The following SNX29 variants were observed in gnomAD, a reference collection of about 807,000 sequenced individuals.
SNX29 encodes the protein sorting nexin-29.
SNX29 carries 78 observed loss-of-function variants against 102.1 expected under a neutral mutation model. The observed-to-expected ratio is 0.76, with a 90% CI of 0.64 to 0.92. SNX29 has a LOEUF of 0.92. Ranked by LOEUF, SNX29 falls within the 40% of genes least tolerant of loss-of-function variation. The pLI is 0.00. For missense variants in SNX29, 1,280 were observed against 1,061.7 expected, an observed-to-expected ratio of 1.21 and a Z score of -2.86; for synonymous variants, 580 against 414.5, an observed-to-expected ratio of 1.40 and a Z score of -4.85.
At chr16:12,176,505 C>G (rs998800329) in intron 13 of SNX29, among the ~76,000 whole-genome samples, 1 of 152,116 alleles carries the variant, frequency 6.6e-6, no homozygotes, top group African/African-American at 2.4e-5. Flanking sequence ...TACAAAATAT[C>G]AATACAATAA....
intron 13 of SNX29, among the ~76,000 whole-genome samples, chr16:12,163,201 A>G (rs1596395686): frequency 1.3e-5 from 2 of 152,110 alleles, no homozygotes; most frequent in Non-Finnish European, 2.9e-5. Context: ...TTCTGATGGT[A>G]GATAGGAATG....
intron 18 of SNX29, among the ~76,000 whole-genome samples, chr16:12,410,056 G>T (rs759322374): frequency 2.0e-5 from 3 of 151,706 alleles, no homozygotes; most frequent in African/African-American, 7.3e-5. Flanking sequence ...GTGCAGTAGC[G>T]CAATCTCGGT....
At chr16:12,559,185 G>A (rs930889836) in intron 20 of SNX29, among the ~76,000 whole-genome samples, 18 of 152,038 alleles carry the variant, frequency 1.2e-4, no homozygotes, top group African/African-American at 4.1e-4. Flanking sequence ...TAGGTACTGG[G>A]CTACACAGTG....
chr16:12,392,402 G>A (rs939910820), intron 16 of SNX29, among the ~76,000 whole-genome samples: 6 of 152,102 alleles, frequency 3.9e-5, no homozygotes, highest in African/African-American at 1.2e-4. Flanking sequence ...TAGTAAGTTC[G>A]ATCATTTCCC....
chr16:12,499,839 C>G (rs574594894), intron 19 of SNX29, among the ~76,000 whole-genome samples: 2 of 152,044 alleles, frequency 1.3e-5, no homozygotes, highest in South Asian at 4.1e-4. Flanking sequence ...CCATGCCTGG[C>G]TAATTTTTGT....
Position 12,562,194 on chromosome 16 carries a change from C to G in SNX29, c.2319-6312C>G, listed in dbSNP as rs552639813. The stretch of plus-strand genomic sequence containing the variant: ...AGGTCTGACCTGAGCATAGGGTTCA[C>G]AGAGGAGTGAACCCTGCTGGAGGTG... On this transcript the variant is annotated intron_variant, in intron 20 of 20. Transcript: ENST00000566228. Among the ~76,000 whole-genome samples, 3 of 152,296 alleles carry G rather than the reference C, an allele frequency of 2.0e-5. No individual in the cohort carries two copies. The South Asian group carries it at 6.2e-4, about 32-fold the overall frequency.
At chr16:12,364,800 G>A (rs750801573) in intron 16 of SNX29, among the ~76,000 whole-genome samples, 11 of 152,070 alleles carry the variant, frequency 7.2e-5, no homozygotes, top group Admixed American at 1.3e-4. Context: ...CAGAAAAGAT[G>A]GCCTGGCTTG....
At chr16:12,308,553 G>C (rs950238395) in intron 15 of SNX29, among the ~76,000 whole-genome samples, 4 of 152,090 alleles carry the variant, frequency 2.6e-5, no homozygotes, top group Admixed American at 2.6e-4. Flanking sequence ...TTGTCAACTT[G>C]TTGTGCACTC....
At chr16:12,557,144 T>C (rs2078419569) in intron 20 of SNX29, among the ~76,000 whole-genome samples, 2 of 151,982 alleles carry the variant, frequency 1.3e-5, no homozygotes, top group South Asian at 2.1e-4. Context: ...TCACTGCCCC[T>C]GGTCACAATT....
At chr16:12,034,175 T>C (rs1263116841) in intron 4 of SNX29, among the ~76,000 whole-genome samples, 1 of 152,196 alleles carries the variant, frequency 6.6e-6, no homozygotes, top group Non-Finnish European at 1.5e-5. Context: ...TGTATTTTGC[T>C]TCATTGGGTC....
intron 9 of SNX29, among the ~76,000 whole-genome samples, chr16:12,067,596 T>C (rs1171555613): frequency 6.6e-6 from 1 of 152,226 alleles, no homozygotes; most frequent in Admixed American, 6.5e-5. Context: ...CAAGCAATTC[T>C]TCCACCTCAG....
At chr16:12,548,487 T>TAG (rs2141319578) in intron 20 of SNX29, among the ~76,000 whole-genome samples, 1 of 152,340 alleles carries the variant, frequency 6.6e-6, no homozygotes, top group Admixed American at 6.5e-5. Context: ...TCAGGATGAC[T>TAG]AGTCAGGGTT....
intron 10 of SNX29, among the ~76,000 whole-genome samples, chr16:12,074,156 T>G (rs1222411075): frequency 1.3e-5 from 2 of 151,140 alleles, no homozygotes; most frequent in Non-Finnish European, 3.0e-5. Flanking sequence ...ATTGGAGCAT[T>G]TAGTCCATTT....
intron 20 of SNX29, among the ~76,000 whole-genome samples, chr16:12,564,330 ATTTC>A (rs2078898717): frequency 6.6e-6 from 1 of 152,172 alleles, no homozygotes; most frequent in African/African-American, 2.4e-5. Context: ...CTCTTACCTT[ATTTC>A]AGTCATTTCA....
intron 18 of SNX29, among the ~76,000 whole-genome samples, chr16:12,404,472 G>A (rs559054977): frequency 6.6e-6 from 1 of 152,088 alleles, no homozygotes; most frequent in Non-Finnish European, 1.5e-5. Context: ...TTCTGGGACT[G>A]CTTTGTTCTC....
chr16:12,379,732 G>T (rs1003273639), intron 16 of SNX29, among the ~76,000 whole-genome samples: 1 of 152,092 alleles, frequency 6.6e-6, no homozygotes, highest in African/African-American at 2.4e-5. Context: ...TTTCTCTCTG[G>T]CAGGGCTGCT....
At chr16:12,039,221 T>C (rs1168027351) in intron 4 of SNX29, among the ~76,000 whole-genome samples, 1 of 152,254 alleles carries the variant, frequency 6.6e-6, no homozygotes, top group Non-Finnish European at 1.5e-5. Flanking sequence ...CAAATGCTGA[T>C]TGGTCATCAT....
At chr16:12,056,725 CA>C (rs780861445) in intron 8 of SNX29, among the ~76,000 whole-genome samples, 104 of 152,316 alleles carry the variant, frequency 6.8e-4, no homozygotes, top group Admixed American at 2.7e-3. Flanking sequence ...CTGTATTTAT[CA>C]TAAGTATTAG....
intron 14 of SNX29, among the ~76,000 whole-genome samples, chr16:12,240,522 C>T (rs2941087): frequency 8.4e-6 from 1 of 118,958 alleles, no homozygotes; most frequent in Non-Finnish European, 1.8e-5. Context: ...GTTTTTGTTT[C>T]TTTTAGATGT....
Sources: allele counts gnomAD v4.1 joint callset (sites outside exome capture counted in the v4.1 genomes callset), GRCh38; gene constraint gnomAD v4.1.1; transcripts MANE v1.5; gene names NCBI Gene and HGNC (gene_info 2026-07-23, HGNC 2026-07-21).